Variants in POTEJ observed in about 807,000 individuals in gnomAD.
POTEJ encodes the protein POTE ankyrin domain family, member J.
POTEJ carries 11 observed loss-of-function variants against 69.0 expected under a neutral mutation model. That is an observed-to-expected ratio of 0.16 (90% confidence interval 0.10 to 0.26). The LOEUF is 0.26. Ranked by LOEUF, POTEJ falls within the 10% of genes least tolerant of loss-of-function variation. The probability of loss-of-function intolerance (pLI) is 1.00; values close to 1 mark genes in which losing one functional copy is unlikely to be tolerated. For synonymous variants in POTEJ, 117 were observed against 381.1 expected (o/e 0.31, Z 8.07); for missense variants, 327 against 1,045.5 (o/e 0.31, Z 9.48).
At chr2:130,636,788 T>A (rs550030086) in intron 9 of POTEJ, among the ~76,000 whole-genome samples, 1 of 148,312 alleles carries the variant, frequency 6.7e-6, no homozygotes, top group Admixed American at 6.8e-5. Flanking sequence ...TGATTGATTC[T>A]CACTTTAAAA....
At chr2:130,627,132 C>A (rs1259651283) in intron 6 of POTEJ, among the ~76,000 whole-genome samples, 1 of 151,988 alleles carries the variant, frequency 6.6e-6, no homozygotes, top group Admixed American at 6.6e-5. Flanking sequence ...CTGGTGAATA[C>A]CGAAGAGCAA....
chr2:130,657,051 A>G lies in POTEJ; in HGVS notation c.2291A>G (p.His764Arg), dbSNP rs760411973. The change falls in exon 15 of 15, where the codon CAC becomes CGC. Residue 764 changes from histidine to arginine, a missense_variant. Transcript: ENST00000409602. ...GAGCTGCGTGTGGCCCCCGAGGAGC[A>G]CCCCATCCTGCTGACCGAGGCCCCC... Reference protein sequence around the residue: ...YNELRVAPEEHPILLTEAPLN... With the variant: ...YNELRVAPEERPILLTEAPLN... 6.3e-6 allele frequency: 10 copies of G among 1,580,946 alleles called. No individual in the cohort carries two copies. The East Asian group carries it at 8.9e-5, about 14-fold the overall frequency.
In POTEJ at chr2:130,641,616, T is replaced by G. The variant is rs1310672981; in HGVS notation, c.1370-2367T>G. Among the ~76,000 whole-genome samples, 3 of 151,652 alleles carry G rather than the reference T, an allele frequency of 2.0e-5. No homozygotes were observed. The East Asian group carries it at 5.8e-4, about 29-fold the overall frequency. ...AGATGATGTACAGGTTTCCAGATTG[T>G]ACACTAGTATTTAACCTGGACATGA... On this transcript the variant is annotated intron_variant, in intron 10 of 14. Transcript: ENST00000409602.
upstream of POTEJ, among the ~76,000 whole-genome samples, chr2:130,611,215 C>T (rs1315100160): frequency 2.3e-5 from 3 of 130,828 alleles, no homozygotes; most frequent in Non-Finnish European, 4.7e-5. Context: ...CTTGGATTGG[C>T]GTTTCCTCTC....
At chr2:130,641,410 A>C (rs1686368123) in intron 10 of POTEJ, among the ~76,000 whole-genome samples, 1 of 144,750 alleles carries the variant, frequency 6.9e-6, no homozygotes, top group Admixed American at 6.9e-5. Context: ...GTTTTGCTTA[A>C]TTTTTTTCCT....
intron 14 of POTEJ, 93 bp from the exon 15 acceptor site, chr2:130,656,456 A>G (rs1686991035): frequency 2.0e-6 from 3 of 1,480,712 alleles, no homozygotes; most frequent in African/African-American, 1.5e-5. Flanking sequence ...GGATTCTTTC[A>G]TTATACAAAT....
intron 1 of POTEJ, among the ~76,000 whole-genome samples, chr2:130,614,483 G>A (rs1685358572): frequency 6.7e-6 from 1 of 149,838 alleles, no homozygotes. Flanking sequence ...TGTAACTATT[G>A]AGGGTGTCAG....
intron 6 of POTEJ, among the ~76,000 whole-genome samples, chr2:130,628,795 G>A (rs1275529615): frequency 1.3e-4 from 20 of 149,846 alleles, no homozygotes; most frequent in African/African-American, 4.3e-4. Context: ...GCTGGAGCAG[G>A]CAGATCACAA....
chr2:130,640,907 G>A (rs1362532115), intron 10 of POTEJ, among the ~76,000 whole-genome samples: 1 of 152,118 alleles, frequency 6.6e-6, no homozygotes, highest in Non-Finnish European at 1.5e-5. Flanking sequence ...TGCTGCAGGG[G>A]CTCATTGGAG....
chr2:130,641,577 C>G (rs566663023), intron 10 of POTEJ, among the ~76,000 whole-genome samples: 1 of 151,354 alleles, frequency 6.6e-6, no homozygotes, highest in African/African-American at 2.4e-5. Flanking sequence ...GCTTGGGGGA[C>G]AGAGAGAAAT....
chr2:130,631,851 A>G (rs1196668230), intron 8 of POTEJ, among the ~76,000 whole-genome samples: 2 of 142,886 alleles, frequency 1.4e-5, no homozygotes, highest in African/African-American at 2.8e-5. Flanking sequence ...GGAGCATCTC[A>G]TTTTCTGGAA....
chr2:130,631,872 G>A lies in POTEJ; in HGVS notation c.1131+419G>A, dbSNP rs1319247414. Among the ~76,000 whole-genome samples the A allele has an allele frequency of 4.9e-5, 7 of 143,288 alleles. 1 individual carries two copies. Among genetic ancestry groups the A allele is most frequent in the African/African-American group, 1.1e-4 (4 of 35,996 alleles). 94.0% of individuals were successfully genotyped at this position (143,288 alleles called of 152,430 possible). ...TCTCATTTTCTGGAATTCCATGCTT[G>A]CACGTCAGCAGTTTCACTCTGCTTC... On this transcript the variant is annotated intron_variant, in intron 8 of 14. Coordinates refer to ENST00000409602, the MANE Select transcript of POTEJ (RefSeq NM_001277083.2).
chr2:130,636,591 C>G (rs1330770769), intron 9 of POTEJ, among the ~76,000 whole-genome samples: 1 of 148,040 alleles, frequency 6.8e-6, no homozygotes, highest in East Asian at 1.9e-4. Context: ...TTTTTCTCCT[C>G]TAACATACCG....
At chr2:130,643,600 A>C (rs1686477624) in intron 10 of POTEJ, among the ~76,000 whole-genome samples, 2 of 144,828 alleles carry the variant, frequency 1.4e-5, no homozygotes, top group Non-Finnish European at 3.1e-5. Flanking sequence ...GATGTTGTAC[A>C]CTAATAAAGG....
In POTEJ at chr2:130,634,671, ATTG is replaced by A. The variant is rs1434199335; in HGVS notation, c.1298+2018_1298+2020del. Among the ~76,000 whole-genome samples the A allele has an allele frequency of 7.5e-5, 10 of 133,524 alleles. No homozygotes were observed. In the South Asian group the frequency reaches 1.9e-3, roughly 25 times the overall value. 87.6% of individuals were successfully genotyped at this position (133,524 alleles called of 152,430 possible). A position where few individuals can be genotyped will look rare whatever the true frequency, so the allele number is the denominator to read the frequency against. Reference sequence around the variant, plus strand: ...ATTTTTATAACCTTTAAAATATATTATTGTTATATAAAATTTGAAAACTACACC... The same window carrying A: ...ATTTTTATAACCTTTAAAATATATTATTATATAAAATTTGAAAACTACACC... On this transcript the variant is annotated intron_variant, in intron 9 of 14. Coordinates refer to ENST00000409602, the MANE Select transcript of POTEJ (RefSeq NM_001277083.2).
chr2:130,643,566 G>A (rs1160687266), intron 10 of POTEJ, among the ~76,000 whole-genome samples: 3 of 144,790 alleles, frequency 2.1e-5, no homozygotes, highest in African/African-American at 7.6e-5. Flanking sequence ...GAATAGTGGA[G>A]GGAAACATTT....
chr2:130,650,093 C>A (rs1251771294), intron 13 of POTEJ, among the ~76,000 whole-genome samples: 2 of 152,396 alleles, frequency 1.3e-5, no homozygotes, highest in Middle Eastern at 3.4e-3. Context: ...CAATTGGGAA[C>A]ATACCAGGGA....
chr2:130,627,474 G>A (rs1685753630), intron 6 of POTEJ, among the ~76,000 whole-genome samples: 1 of 142,622 alleles, frequency 7.0e-6, no homozygotes, highest in South Asian at 2.1e-4. Flanking sequence ...CCAGAAAAGA[G>A]CGAGCAAGGA....
intron 3 of POTEJ, among the ~76,000 whole-genome samples, chr2:130,618,648 A>G (rs1410630635): frequency 2.1e-5 from 3 of 145,356 alleles, no homozygotes; most frequent in African/African-American, 5.5e-5. Context: ...ACTCCTGCTT[A>G]AGAACCACTC....
Sources: gnomAD v4.1 joint callset for allele counts (sites outside exome capture counted in the v4.1 genomes callset) on GRCh38, gnomAD v4.1.1 for gene constraint, MANE v1.5 for transcripts, NCBI Gene and HGNC (gene_info 2026-07-23, HGNC 2026-07-21) for gene names.